Variants in UBAC2 observed in about 807,000 individuals in gnomAD.
The protein encoded by UBAC2 is UBA domain containing 2, also known as ubiquitin-associated domain-containing protein 2.
UBAC2 carries 26 observed loss-of-function variants against 44.0 expected under a neutral mutation model. The observed-to-expected ratio is 0.59, with a 90% confidence interval of 0.43 to 0.82. The LOEUF is 0.82. Ranked by LOEUF, UBAC2 falls within the 40% of genes least tolerant of loss-of-function variation. UBAC2 has a pLI of 0.00. For missense variants in UBAC2, 329 were observed against 419.4 expected (o/e 0.78, Z 1.88); for synonymous variants, 155 against 154.3 (o/e 1.00, Z -0.04).
intron 1 of UBAC2, among the ~76,000 whole-genome samples, chr13:99,203,425 C>T (rs1001089537): frequency 1.3e-5 from 2 of 152,254 alleles, no homozygotes; most frequent in African/African-American, 4.8e-5. Flanking sequence ...GTACCTAGCC[C>T]TACCCCCATG....
intron 4 of UBAC2, 91 bp downstream of exon 4, chr13:99,244,715 A>T (rs900021261): frequency 6.6e-6 from 5 of 757,902 alleles, no homozygotes; most frequent in Non-Finnish European, 1.0e-5. Context: ...GTAAAATAAT[A>T]TTTTAAACTT....
intron 4 of UBAC2, among the ~76,000 whole-genome samples, chr13:99,249,449 C>A (rs983609549): frequency 2.6e-5 from 4 of 152,128 alleles, no homozygotes; most frequent in Non-Finnish European, 5.9e-5. Flanking sequence ...TGCTGATGGG[C>A]ACTTAGGTTG....
chr13:99,293,113 T>C (rs1370851054), intron 4 of UBAC2, among the ~76,000 whole-genome samples: 1 of 152,186 alleles, frequency 6.6e-6, no homozygotes, highest in Non-Finnish European at 1.5e-5. Flanking sequence ...AAAACATTAA[T>C]TGGAGATAGG....
At chr13:99,274,944 C>T (rs558915958) in intron 4 of UBAC2, among the ~76,000 whole-genome samples, 2 of 152,224 alleles carry the variant, frequency 1.3e-5, no homozygotes, top group East Asian at 3.9e-4. Flanking sequence ...TCTCAAACTC[C>T]TGTGCTCAAG....
rs114235144 is a variant in UBAC2, at chr13:99,364,072, T to G, written c.808-3715T>G. 7.0e-3 allele frequency among the ~76,000 whole-genome samples: 1,062 copies of G among 152,290 alleles called. 17 individuals carry two copies. The highest frequency in any genetic ancestry group is 0.024 in the African/African-American group (1,016 of 41,550). ...CATTTGTAAACACTCTTGGATTTTC[T>G]AGGTAGACAGTCATCATTTGAATAA... On this transcript the variant is annotated intron_variant, in intron 7 of 8. Transcript: ENST00000403766.
chr13:99,269,231 G>C (rs750741692), intron 4 of UBAC2, among the ~76,000 whole-genome samples: 6 of 152,110 alleles, frequency 3.9e-5, no homozygotes, highest in Non-Finnish European at 8.8e-5. Flanking sequence ...TTTAAACCGT[G>C]AGCATTCTGT....
chr13:99,328,688 T>C (rs1004944881), intron 6 of UBAC2, among the ~76,000 whole-genome samples: 3 of 152,236 alleles, frequency 2.0e-5, no homozygotes, highest in African/African-American at 7.2e-5. Context: ...TTCATTGGGC[T>C]ATTTATCTTC....
chr13:99,359,885 C>T (rs2045241446), intron 7 of UBAC2, among the ~76,000 whole-genome samples: 1 of 152,190 alleles, frequency 6.6e-6, no homozygotes, highest in Non-Finnish European at 1.5e-5. Flanking sequence ...TGCAGGGGGC[C>T]ACCGATTGTA....
intron 6 of UBAC2, among the ~76,000 whole-genome samples, chr13:99,332,609 G>GTC (rs2044731958): frequency 6.6e-6 from 1 of 152,172 alleles, no homozygotes; most frequent in African/African-American, 2.4e-5. Context: ...GTGACCATGT[G>GTC]TCCCCTTTCC....
At position 99,317,268 on chromosome 13, in the gene UBAC2, C is replaced by T. The variant is rs547031666; in HGVS notation, c.514-754C>T. Among the ~76,000 whole-genome samples the T allele has an allele frequency of 3.9e-5, 6 of 152,272 alleles. No individual in the cohort carries two copies. In the South Asian group the frequency reaches 8.3e-4, roughly 21 times the overall value. On this transcript the variant is annotated intron_variant, in intron 5 of 8. Coordinates refer to ENST00000403766, the MANE Select transcript of UBAC2 (RefSeq NM_001144072.2). Reference sequence around the variant, plus strand: ...CTCTTCTTCCACAATCAGAAGTAAACCCCCAATCTGAAGTTCTAAAAATTA... The same window carrying T: ...CTCTTCTTCCACAATCAGAAGTAAATCCCCAATCTGAAGTTCTAAAAATTA...
chr13:99,228,019 GA>G (rs1020975621), intron 1 of UBAC2, among the ~76,000 whole-genome samples: 1 of 152,216 alleles, frequency 6.6e-6, no homozygotes, highest in African/African-American at 2.4e-5. Flanking sequence ...AATTTATGGT[GA>G]AATCTTGTAG....
chr13:99,354,151 T>C (rs2045140266), intron 7 of UBAC2, among the ~76,000 whole-genome samples: 1 of 152,252 alleles, frequency 6.6e-6, no homozygotes, highest in African/African-American at 2.4e-5. Context: ...GTGGACACTG[T>C]CCACAACTGT....
intron 4 of UBAC2, among the ~76,000 whole-genome samples, chr13:99,251,717 C>T (rs1323663236): frequency 1.3e-5 from 2 of 152,080 alleles, no homozygotes; most frequent in Non-Finnish European, 2.9e-5. Context: ...TGGTCTTTGC[C>T]ATCAGACCAG....
intron 7 of UBAC2, among the ~76,000 whole-genome samples, chr13:99,347,122 A>G (rs1014722820): frequency 4.9e-5 from 3 of 60,812 alleles, no homozygotes; most frequent in Admixed American, 1.6e-4. Context: ...CTATTTAAAG[A>G]AAAAAAAAGA....
At chr13:99,331,495 A>G (rs1429745789) in intron 6 of UBAC2, among the ~76,000 whole-genome samples, 1 of 152,254 alleles carries the variant, frequency 6.6e-6, no homozygotes, top group African/African-American at 2.4e-5. Context: ...CAAGAATCAG[A>G]AGGATATCCA....
intron 6 of UBAC2, among the ~76,000 whole-genome samples, chr13:99,322,625 T>C (rs574968349): frequency 2.0e-5 from 3 of 152,228 alleles, no homozygotes; most frequent in Admixed American, 1.3e-4. Context: ...TTACTTGTCA[T>C]GTACAGTATA....
At chr13:99,381,428 A>G (rs1157537599) in intron 8 of UBAC2, among the ~76,000 whole-genome samples, 1 of 152,260 alleles carries the variant, frequency 6.6e-6, no homozygotes, top group East Asian at 1.9e-4. Flanking sequence ...CTGGGTGCAA[A>G]GAAGCAGCCA....
At chr13:99,336,830 A>G (rs986923463) in intron 6 of UBAC2, among the ~76,000 whole-genome samples, 2 of 152,134 alleles carry the variant, frequency 1.3e-5, no homozygotes, top group South Asian at 4.1e-4. Context: ...CTTGCAAATC[A>G]CTATAAAGCA....
At chr13:99,296,269 T>A in intron 4 of UBAC2, 1 of 841,072 alleles carries the variant, frequency 1.2e-6, no homozygotes, top group Non-Finnish European at 1.7e-6. Context: ...CAATCCAAAC[T>A]GTCTTTTATA....
Sources: allele counts gnomAD v4.1 joint callset (sites outside exome capture counted in the v4.1 genomes callset), GRCh38; gene constraint gnomAD v4.1.1; transcripts MANE v1.5; gene names NCBI Gene and HGNC (gene_info 2026-07-23, HGNC 2026-07-21).